Variants in DOK6 observed in about 807,000 individuals in gnomAD.
DOK6 encodes the protein downstream of tyrosine kinase 6.
Under a neutral mutation model 44.0 loss-of-function variants are expected in DOK6, and 22 were observed. The ratio of observed to expected loss-of-function variants is 0.50; its 90% CI spans 0.36 to 0.71. DOK6 has a LOEUF of 0.71. DOK6 is among the 30% of genes least tolerant of loss of function. DOK6 has a pLI of 0.00. For synonymous variants in DOK6, 166 were observed against 145.5 expected (o/e 1.14, Z -1.01); for missense variants, 340 against 416.4 (o/e 0.82, Z 1.60).
At chr18:69,548,998 G>A (rs1301777765) in intron 1 of DOK6, among the ~76,000 whole-genome samples, 2 of 150,628 alleles carry the variant, frequency 1.3e-5, no homozygotes, top group Admixed American at 1.3e-4. Flanking sequence ...GGGAGGCTGA[G>A]GCAGGAGAAT....
At chr18:69,767,327 T>C (rs1001751723) in intron 7 of DOK6, among the ~76,000 whole-genome samples, 5 of 152,218 alleles carry the variant, frequency 3.3e-5, no homozygotes, top group Non-Finnish European at 7.3e-5. Flanking sequence ...TCTAAGTTTT[T>C]AATACAAGGA....
In DOK6 at chr18:69,841,483, T is replaced by G; in HGVS notation, c.*100T>G. Reference sequence around the variant, plus strand: ...CTGGAAGACCAATTGCAGTACAAATTGAAATGGGTCGGCTCTAGCCCCAGT... The same window carrying G: ...CTGGAAGACCAATTGCAGTACAAATGGAAATGGGTCGGCTCTAGCCCCAGT... On this transcript the variant is annotated 3_prime_UTR_variant, in exon 8 of 8. Transcript: ENST00000382713. The G allele has an allele frequency of 6.6e-7, 1 of 1,519,012 alleles. No individual in the cohort carries two copies. Among genetic ancestry groups the G allele is most frequent in the Non-Finnish European group, 8.9e-7 (1 of 1,128,552 alleles). 94.1% of individuals were successfully genotyped at this position (1,519,012 alleles called of 1,614,324 possible).
intron 1 of DOK6, among the ~76,000 whole-genome samples, chr18:69,413,472 C>T (rs760820395): frequency 2.6e-5 from 4 of 151,986 alleles, no homozygotes; most frequent in Non-Finnish European, 5.9e-5. Context: ...CACAAATACA[C>T]ATAACATATT....
At chr18:69,581,385 C>T (rs1028802447) in intron 2 of DOK6, among the ~76,000 whole-genome samples, 19 of 152,164 alleles carry the variant, frequency 1.2e-4, no homozygotes, top group Admixed American at 8.5e-4. Context: ...AACATATGGA[C>T]GTGCTTACAC....
At chr18:69,438,917 A>C (rs1487455035) in intron 1 of DOK6, among the ~76,000 whole-genome samples, 3 of 152,060 alleles carry the variant, frequency 2.0e-5, no homozygotes, top group African/African-American at 4.8e-5. Context: ...CAAAAACTAC[A>C]AAAAAATAGC....
chr18:69,432,392 C>T (rs1294254989), intron 1 of DOK6, among the ~76,000 whole-genome samples: 2 of 152,032 alleles, frequency 1.3e-5, no homozygotes, highest in African/African-American at 4.8e-5. Flanking sequence ...TGCAGTGAGC[C>T]GAGATCATGC....
intron 1 of DOK6, 112 bp downstream of exon 1, chr18:69,401,422 CGGCCCTTAGGCGGATGG>C: frequency 8.2e-7 from 1 of 1,219,454 alleles, no homozygotes; most frequent in Non-Finnish European, 1.1e-6. Context: ...GAGAGGGACC[CGGCCCTTAGGCGGATGG>C]CCCGCTTGTT....
intron 3 of DOK6, among the ~76,000 whole-genome samples, chr18:69,643,381 C>A (rs1218908795): frequency 2.6e-5 from 4 of 152,206 alleles, no homozygotes; most frequent in African/African-American, 9.6e-5. Context: ...AATTCCAACT[C>A]CACAGGGAGT....
rs79881433 is a variant in DOK6 at position 69,590,864 on chromosome 18, T to G, written c.175-8520T>G. Reference sequence around the variant, plus strand: ...GTTCAAGAAGTAGAACTGACAAAATTTCATGACAGAACAGATGTTGTGGGT... The same window carrying G: ...GTTCAAGAAGTAGAACTGACAAAATGTCATGACAGAACAGATGTTGTGGGT... On this transcript the variant is annotated intron_variant, in intron 2 of 7. Transcript: ENST00000382713. 4.6e-3 allele frequency among the ~76,000 whole-genome samples: 705 copies of G among 152,166 alleles called. 7 individuals carry two copies. The highest frequency in any genetic ancestry group is 0.016 in the African/African-American group (680 of 41,534).
At chr18:69,520,171 T>C (rs1168700201) in intron 1 of DOK6, among the ~76,000 whole-genome samples, 2 of 151,848 alleles carry the variant, frequency 1.3e-5, no homozygotes, top group Non-Finnish European at 3.0e-5. Flanking sequence ...TAATAGTTAC[T>C]TGCAATTTTA....
intron 4 of DOK6, among the ~76,000 whole-genome samples, chr18:69,689,524 C>T: frequency 6.6e-6 from 1 of 152,122 alleles, no homozygotes; most frequent in East Asian, 1.9e-4. Flanking sequence ...GCAAAAGACA[C>T]TTATAATGAC....
intron 3 of DOK6, among the ~76,000 whole-genome samples, chr18:69,675,229 T>C (rs1324366133): frequency 6.6e-6 from 1 of 152,130 alleles, no homozygotes; most frequent in Non-Finnish European, 1.5e-5. Context: ...TTTTACTGTA[T>C]GATTGCTTTC....
intron 1 of DOK6, among the ~76,000 whole-genome samples, chr18:69,547,947 A>T (rs1379964632): frequency 7.3e-6 from 1 of 137,914 alleles, no homozygotes; most frequent in East Asian, 2.0e-4. Context: ...TATATAATAT[A>T]TATAAAATAT....
chr18:69,721,380 G>T (rs1211010361), intron 5 of DOK6: 2 of 152,158 alleles, frequency 1.3e-5, no homozygotes, highest in Non-Finnish European at 2.9e-5. Flanking sequence ...GCTTGATGAA[G>T]TACTCAGCAG....
intron 3 of DOK6, among the ~76,000 whole-genome samples, chr18:69,611,546 G>C (rs1423856734): frequency 6.7e-6 from 1 of 150,126 alleles, no homozygotes; most frequent in Non-Finnish European, 1.5e-5. Flanking sequence ...GTTTATACTA[G>C]CTTTATTTGT....
At chr18:69,803,099 T>C (rs556679631) in intron 7 of DOK6, among the ~76,000 whole-genome samples, 1 of 152,244 alleles carries the variant, frequency 6.6e-6, no homozygotes, top group South Asian at 2.1e-4. Flanking sequence ...ATGTTATATA[T>C]ACTATTTTTG....
rs143439712 is a variant in DOK6 at position 69,555,391 on chromosome 18, G to A, written c.67-9096G>A. Among the ~76,000 whole-genome samples, 588 of 152,112 alleles carry A rather than the reference G, an allele frequency of 3.9e-3. 1 individual carries two copies. Among genetic ancestry groups the A allele is most frequent in the Middle Eastern group, 0.01 (3 of 294 alleles). ...TGAAATAGGTGTAGTCTTTTTTTCC[G>A]TTAAGAAAAAGAATCTGCCTGATTT... is the stretch of plus-strand genomic sequence containing the variant. On this transcript the variant is annotated intron_variant, in intron 1 of 7. Transcript: ENST00000382713.
intron 1 of DOK6, among the ~76,000 whole-genome samples, chr18:69,442,704 C>A (rs577271360): frequency 6.6e-6 from 1 of 152,096 alleles, no homozygotes; most frequent in East Asian, 1.9e-4. Context: ...ACACATGTTG[C>A]TTATTGTCTT....
intron 2 of DOK6, among the ~76,000 whole-genome samples, chr18:69,597,417 G>A (rs192690150): frequency 5.3e-5 from 8 of 152,104 alleles, no homozygotes; most frequent in African/African-American, 1.9e-4. Flanking sequence ...TCGTTTTATT[G>A]TTGCTCTTTA....
Sources: allele counts gnomAD v4.1 joint callset (sites outside exome capture counted in the v4.1 genomes callset), GRCh38; gene constraint gnomAD v4.1.1; transcripts MANE v1.5; gene names NCBI Gene and HGNC (gene_info 2026-07-23, HGNC 2026-07-21).